The following FMN2 variants were observed in gnomAD, a reference collection of about 807,000 sequenced individuals.
FMN2 encodes formin 2, also known as formin-2.
A neutral mutation model predicts 142.3 loss-of-function variants in FMN2; 51 were observed. That is an observed-to-expected ratio of 0.36 (90% CI 0.29 to 0.45). The LOEUF (loss-of-function observed/expected upper bound fraction) is 0.45. FMN2 is among the 20% of genes least tolerant of loss of function. The probability of loss-of-function intolerance (pLI) is 1.00; values close to 1 mark genes in which losing one functional copy is unlikely to be tolerated. For synonymous variants in FMN2, 882 were observed against 869.8 expected (o/e 1.01, Z -0.25); for missense variants, 1,936 against 2,122.8 (o/e 0.91, Z 1.73).
At chr1:240,175,717 G>GT (rs1553336776) in intron 2 of FMN2, among the ~76,000 whole-genome samples, 6 of 152,036 alleles carry the variant, frequency 3.9e-5, no homozygotes, top group South Asian at 2.1e-4. Flanking sequence ...TGTTGTTGTT[G>GT]TTGTTTGTTT....
intron 7 of FMN2, among the ~76,000 whole-genome samples, chr1:240,277,525 CTTTTTTT>C (rs34678861): frequency 3.1e-3 from 205 of 66,156 alleles, no homozygotes; most frequent in African/African-American, 0.013. Flanking sequence ...GCATCTTCTT[CTTTTTTT>C]TTTTTTTTTT....
intron 6 of FMN2, among the ~76,000 whole-genome samples, chr1:240,227,212 TAAAAAG>T (rs1284290854): frequency 1.3e-5 from 2 of 152,196 alleles, no homozygotes; most frequent in Non-Finnish European, 2.9e-5. Flanking sequence ...GCAGTATTAT[TAAAAAG>T]AATAAGATAC....
At chr1:240,365,285 G>T (rs1672631796) in intron 14 of FMN2, among the ~76,000 whole-genome samples, 1 of 125,226 alleles carries the variant, frequency 8.0e-6, no homozygotes, top group Admixed American at 7.6e-5. Flanking sequence ...ATACATATGT[G>T]TGTGTATATA....
chr1:240,275,202 C>T (rs1463498294), intron 7 of FMN2, among the ~76,000 whole-genome samples: 3 of 151,722 alleles, frequency 2.0e-5, no homozygotes, highest in Non-Finnish European at 2.9e-5. Flanking sequence ...AACCCGTCAC[C>T]TACATTAGGT....
chr1:240,445,509 T>G (rs1675774583), intron 16 of FMN2, among the ~76,000 whole-genome samples: 2 of 152,108 alleles, frequency 1.3e-5, no homozygotes, highest in Non-Finnish European at 2.9e-5. Flanking sequence ...GGGTGTAATG[T>G]GCTGTATGAG....
At chr1:240,196,102 T>A (rs1166975465) in intron 4 of FMN2, among the ~76,000 whole-genome samples, 2 of 152,204 alleles carry the variant, frequency 1.3e-5, no homozygotes, top group Non-Finnish European at 2.9e-5. Context: ...TTATGGACTA[T>A]TCAAGGTCTT....
chr1:240,438,011 T>C (rs772966523), intron 15 of FMN2, 50 bp from the exon 16 acceptor site: 4 of 1,579,130 alleles, frequency 2.5e-6, no homozygotes, highest in African/African-American at 2.7e-5. Context: ...ATATCCCATA[T>C]TGGAAAGTAA....
At chr1:240,205,309 G>A (rs1666291585) in intron 4 of FMN2, among the ~76,000 whole-genome samples, 2 of 152,146 alleles carry the variant, frequency 1.3e-5, no homozygotes, top group African/African-American at 4.8e-5. Context: ...AGTAATTAAA[G>A]TACGATTGAC....
At chr1:240,103,086 G>A (rs1279656488) in intron 1 of FMN2, among the ~76,000 whole-genome samples, 4 of 151,922 alleles carry the variant, frequency 2.6e-5, no homozygotes, top group Non-Finnish European at 2.9e-5. Context: ...GGTTGATCTC[G>A]AACTCCTGAC....
At chr1:240,188,384 G>C (rs1377606280) in intron 4 of FMN2, 122 bp downstream of exon 4, 22 of 887,668 alleles carry the variant, frequency 2.5e-5, no homozygotes, top group Non-Finnish European at 3.9e-5. Context: ...TTTTCCCTAA[G>C]CCTGCAGTGG....
At chr1:240,334,345 G>T in intron 13 of FMN2, 116 bp downstream of exon 13, 1 of 1,196,930 alleles carries the variant, frequency 8.4e-7, no homozygotes, top group African/African-American at 1.6e-5. Context: ...AACTAAATTT[G>T]TGTGTGTGTG....
chr1:240,152,903 T>C (rs1183026868), intron 2 of FMN2, among the ~76,000 whole-genome samples: 1 of 152,200 alleles, frequency 6.6e-6, no homozygotes, highest in Non-Finnish European at 1.5e-5. Context: ...CACTAAACTT[T>C]CCAGAGGCCC....
intron 16 of FMN2, among the ~76,000 whole-genome samples, chr1:240,451,132 C>T (rs1043560494): frequency 1.3e-5 from 2 of 151,996 alleles, no homozygotes; most frequent in African/African-American, 4.8e-5. Flanking sequence ...CTTTGGGAGG[C>T]CGAGGCGGGT....
chr1:240,253,275 TTCATTTTTATTC>T (rs1161751048), intron 6 of FMN2, among the ~76,000 whole-genome samples: 17 of 85,808 alleles, frequency 2.0e-4, no homozygotes, highest in Non-Finnish European at 3.5e-4. Flanking sequence ...GGCCTGTTCA[TTCATTTTTATTC>T]TTTATTCTTT....
At chr1:240,320,991 C>G (rs1447993480) in intron 8 of FMN2, among the ~76,000 whole-genome samples, 1 of 152,102 alleles carries the variant, frequency 6.6e-6, no homozygotes. Context: ...TTTGATAGAG[C>G]AATAAAAATG....
intron 15 of FMN2, among the ~76,000 whole-genome samples, chr1:240,413,789 C>T (rs955175223): frequency 1.3e-5 from 2 of 152,176 alleles, no homozygotes; most frequent in Non-Finnish European, 2.9e-5. Flanking sequence ...TTATAAACTG[C>T]ATTCGTGCCT....
chr1:240,458,688 C>T (rs9658819), intron 16 of FMN2: 113,933 of 152,088 alleles, frequency 0.75, 42,839 homozygotes, highest in Middle Eastern at 0.82. Context: ...GCATGAAAAC[C>T]GTCAAATGTA....
intron 14 of FMN2, among the ~76,000 whole-genome samples, chr1:240,369,328 T>C (rs1672787033): frequency 6.6e-6 from 1 of 152,244 alleles, no homozygotes; most frequent in East Asian, 1.9e-4. Context: ...GTTTTAATGC[T>C]AATCTTACCA....
chr1:240,206,751 T>G (rs200918322), intron 4 of FMN2, 48 bp from the exon 5 acceptor site: 1 of 1,551,840 alleles, frequency 6.4e-7, no homozygotes, highest in African/African-American at 1.4e-5. Flanking sequence ...GCTATTTGCA[T>G]TTTTCCTTAT....
Sources: allele counts gnomAD v4.1 joint callset (sites outside exome capture counted in the v4.1 genomes callset), GRCh38; gene constraint gnomAD v4.1.1; transcripts MANE v1.5; gene names NCBI Gene and HGNC (gene_info 2026-07-23, HGNC 2026-07-21).